The following KIR3DL3 variants were observed in gnomAD, a reference collection of about 807,000 sequenced individuals.
KIR3DL3 encodes killer cell immunoglobulin-like receptor 3DL3.
A neutral mutation model predicts 34.9 loss-of-function variants in KIR3DL3; 27 were observed. That is an observed-to-expected ratio of 0.77 (90% confidence interval 0.57 to 1.07). The LOEUF is 1.07. KIR3DL3 is among the 50% of genes least tolerant of loss of function. The pLI, the probability that KIR3DL3 is intolerant of heterozygous loss-of-function variation, is 0.00. For synonymous variants in KIR3DL3, 217 were observed against 200.2 expected (o/e 1.08, Z -0.71); for missense variants, 681 against 528.5 (o/e 1.29, Z -2.83).
chr19:54,734,770 C>T, intron 5 of KIR3DL3, among the ~76,000 whole-genome samples: 1 of 145,780 alleles, frequency 6.9e-6, no homozygotes, highest in Admixed American at 7.0e-5. Context: ...CAGGCTGCTC[C>T]CACTCTGGCA....
intron 5 of KIR3DL3, among the ~76,000 whole-genome samples, chr19:54,730,700 G>A (rs1245553012): frequency 2.6e-5 from 4 of 152,116 alleles, no homozygotes; most frequent in Admixed American, 2.6e-4. Context: ...CTGCATATGA[G>A]TGAGAAATGG....
At position 54,725,976 on chromosome 19, in the gene KIR3DL3, G is replaced by A. The variant is rs2068114505; in HGVS notation, c.71-77G>A. 5.8e-5 allele frequency: 78 copies of A among 1,335,286 alleles called. No individual in the cohort carries two copies. In the South Asian group the frequency reaches 9.7e-4, roughly 17 times the overall value. The allele number at this position is 1,335,286 out of a possible 1,614,324, so 82.7% of individuals were successfully genotyped here. A position where few individuals can be genotyped will look rare whatever the true frequency, so the allele number is the denominator to read the frequency against. On this transcript the variant is annotated intron_variant, in intron 2 of 7. Transcript: ENST00000291860. ...TAGGAGCCTTAGAAACGTGGAAATG[G>A]GAGAATCTTCTGAGCACAGGGAGGG...
Position 54,735,240 on chromosome 19 carries a change from T to G in KIR3DL3, c.950-13T>G. 6.8e-7 allele frequency: 1 copy of G among 1,481,396 alleles called. No individual in the cohort carries two copies. The highest frequency in any genetic ancestry group is 9.4e-7 in the Non-Finnish European group (1 of 1,069,284). The allele number at this position is 1,481,396 out of a possible 1,614,324, so 91.8% of individuals were successfully genotyped here. ...TATGATTAGCTTCTTATTGGTGTCT[T>G]GTCTTCCTCCAGGTAACTCCAGAAA... On this transcript the variant is annotated splice_polypyrimidine_tract_variant and intron_variant, in intron 5 of 7. Coordinates refer to ENST00000291860, the MANE Select transcript of KIR3DL3 (RefSeq NM_153443.5).
chr19:54,734,747 C>A (rs1208648155), intron 5 of KIR3DL3, among the ~76,000 whole-genome samples: 1 of 146,856 alleles, frequency 6.8e-6, no homozygotes, highest in Non-Finnish European at 1.5e-5. Context: ...GCATCTATTT[C>A]TTGTGACGGC....
intron 6 of KIR3DL3, among the ~76,000 whole-genome samples, chr19:54,735,617 G>C (rs2069447906): frequency 7.7e-6 from 1 of 129,276 alleles, no homozygotes; most frequent in African/African-American, 3.1e-5. Flanking sequence ...GCAGAAAGTG[G>C]GACACAGAAT....
chr19:54,729,721 G>T lies in KIR3DL3; in HGVS notation c.884G>T (p.Gly295Val). ...CACGGAGGGAACTACAGATGCTTCG[G>T]CTCTTTCCGTGCCCTGCCCCATGCG... ...VTHGGNYRCF[G>V]SFRALPHAWS... The change falls in exon 5 of 8, where the codon GGC becomes GTC. Residue 295 changes from glycine (G) to valine (V), a missense_variant. Gly to Val is a moderately radical substitution (Grantham distance 109, BLOSUM62 -3). Transcript: ENST00000291860. 2 of 1,593,758 alleles carry T rather than the reference G, an allele frequency of 1.3e-6. No individual in the cohort carries two copies. Among genetic ancestry groups the T allele is most frequent in the Non-Finnish European group, 8.5e-7 (1 of 1,173,640 alleles).
In KIR3DL3 at chr19:54,736,063, G is replaced by T; in HGVS notation, c.1200G>T (p.Arg400Ser). 5 of 1,613,574 alleles carry T rather than the reference G, an allele frequency of 3.1e-6. No homozygotes were observed. Among genetic ancestry groups the T allele is most frequent in the Non-Finnish European group, 4.2e-6 (5 of 1,179,970 alleles). ...TQRKITRPSQ[R>S]PKTPPTDTSV ...GAAAAATCACTCGCCCTTCTCAGAGGCCCAAGACACCCCCAACAGATACCA... is the reference window on the plus strand; with the variant it reads ...GAAAAATCACTCGCCCTTCTCAGAGTCCCAAGACACCCCCAACAGATACCA... Residue 400 changes from arginine (R) to serine (S), a missense_variant, in exon 8 of 8, where the codon AGG becomes AGT. Transcript: ENST00000291860.
intron 3 of KIR3DL3, 117 bp downstream of exon 3, chr19:54,726,454 G>T: frequency 7.5e-7 from 1 of 1,326,618 alleles, no homozygotes; most frequent in Non-Finnish European, 1.0e-6. Flanking sequence ...GGGGTAAAGG[G>T]GGATTCAGTA....
At chr19:54,731,811 C>A (rs113877412) in intron 5 of KIR3DL3, among the ~76,000 whole-genome samples, 13,376 of 151,974 alleles carry the variant, frequency 0.088, 1,089 homozygotes, top group African/African-American at 0.22. Context: ...ATCATTCAGA[C>A]TCTTCTTCTT....
chr19:54,729,605 C>T lies in KIR3DL3; in HGVS notation c.768C>T (p.Ser256=). ...SRSLFDIYHL[S]REAEAGELRL... ...GCTTGTTTGACATTTACCATCTATC[C>T]AGGGAGGCGGAGGCCGGTGAACTTA... The change falls in exon 5 of 8, where the codon TCC becomes TCT. Residue 256 remains serine (S), a synonymous_variant. Coordinates refer to ENST00000291860, the MANE Select transcript of KIR3DL3 (RefSeq NM_153443.5). 1 of 1,604,956 alleles carries T rather than the reference C, an allele frequency of 6.2e-7. No homozygotes were observed. Among genetic ancestry groups the T allele is most frequent in the Non-Finnish European group, 8.5e-7 (1 of 1,177,662 alleles).
rs531529555 is a variant in KIR3DL3, at chr19:54,735,619, A to G, written c.1055-201A>G. ...GGTTCCATGACAGGCAGAAAGTGGG[A>G]CACAGAATCAATAGGATGGGAACTC... On this transcript the variant is annotated intron_variant, in intron 6 of 7. Coordinates refer to ENST00000291860, the MANE Select transcript of KIR3DL3 (RefSeq NM_153443.5). 3.5e-3 allele frequency among the ~76,000 whole-genome samples: 456 copies of G among 129,342 alleles called. 51 individuals carry two copies. Among genetic ancestry groups the G allele is most frequent in the Non-Finnish European group, 5.9e-3 (356 of 59,934 alleles). The allele number at this position is 129,342 out of a possible 152,430, so 84.9% of individuals were successfully genotyped here.
chr19:54,731,893 G>A (rs796451947), intron 5 of KIR3DL3, among the ~76,000 whole-genome samples: 1 of 151,896 alleles, frequency 6.6e-6, no homozygotes. Context: ...GATTCTATTG[G>A]GGTCACCAAG....
chr19:54,728,332 T>G (rs1235861057), intron 4 of KIR3DL3, among the ~76,000 whole-genome samples: 1 of 148,040 alleles, frequency 6.8e-6, no homozygotes. Context: ...GGCCCCAGGC[T>G]GGTGGCACCT....
intron 5 of KIR3DL3, among the ~76,000 whole-genome samples, chr19:54,731,461 C>T (rs2068781175): frequency 6.6e-6 from 1 of 151,674 alleles, no homozygotes; most frequent in African/African-American, 2.4e-5. Flanking sequence ...ATGCACACGA[C>T]ACTTCCACTC....
chr19:54,724,480 T>C lies in KIR3DL3; in HGVS notation c.-17T>C, dbSNP rs2067891748. 6.2e-7 allele frequency: 1 copy of C among 1,613,220 alleles called. No individual in the cohort carries two copies. Among genetic ancestry groups the C allele is most frequent in the African/African-American group, 1.3e-5 (1 of 75,032 alleles). On this transcript the variant is annotated 5_prime_UTR_variant, in exon 1 of 8. Coordinates refer to ENST00000291860, the MANE Select transcript of KIR3DL3 (RefSeq NM_153443.5). ...AACTGAGCTGGGGCGCAGCCGCCTG[T>C]CTGCACCGGCAGCACCATGTCGCTC...
chr19:54,729,519 G>T lies in KIR3DL3; in HGVS notation c.682G>T (p.Ala228Ser). Residue 228 changes from alanine (A) to serine (S), a missense_variant, in exon 5 of 8, where the codon GCC becomes TCC. Physicochemically the swap from Ala to Ser is moderately conservative, Grantham distance 99. Transcript: ENST00000291860. Reference sequence around the variant, plus strand: ...TCTATATGGGAAACCTTCTCTCTCAGCCCAGCCGGGCCCCACGGTTCAGGC... The same window carrying T: ...TCTATATGGGAAACCTTCTCTCTCATCCCAGCCGGGCCCCACGGTTCAGGC... The part of the protein sequence containing the change: ...VGLYGKPSLS[A>S]QPGPTVQAGE... 1 of 1,606,008 alleles carries T rather than the reference G, an allele frequency of 6.2e-7. No individual in the cohort carries two copies.
chr19:54,730,128 C>G (rs2068646335), intron 5 of KIR3DL3, among the ~76,000 whole-genome samples: 1 of 152,106 alleles, frequency 6.6e-6, no homozygotes, highest in African/African-American at 2.4e-5. Context: ...GGCCTGTCAC[C>G]CACAGAGAGA....
chr19:54,729,158 T>C (rs2068521075), intron 4 of KIR3DL3, among the ~76,000 whole-genome samples: 1 of 146,738 alleles, frequency 6.8e-6, no homozygotes, highest in Admixed American at 6.9e-5. Flanking sequence ...AGATAATAGA[T>C]AGAAATATGC....
intron 3 of KIR3DL3, among the ~76,000 whole-genome samples, chr19:54,726,885 A>G (rs1002892303): frequency 7.9e-6 from 1 of 126,462 alleles, no homozygotes; most frequent in Non-Finnish European, 1.7e-5. Context: ...ACTGGGTCCG[A>G]TTTCTGTTCT....
Sources: allele counts gnomAD v4.1 joint callset (sites outside exome capture counted in the v4.1 genomes callset), GRCh38; gene constraint gnomAD v4.1.1; transcripts MANE v1.5; gene names NCBI Gene and HGNC (gene_info 2026-07-23, HGNC 2026-07-21).